CSMD1: variants seen among roughly 807,000 people sequenced by gnomAD.
CSMD1 encodes CUB and sushi domain-containing protein 1.
A neutral mutation model predicts 417.5 loss-of-function variants in CSMD1; 213 were observed. The ratio of observed to expected loss-of-function variants is 0.51; its 90% CI spans 0.46 to 0.57. The LOEUF is 0.57. Among genes scored for constraint, CSMD1 ranks in the 20% least tolerant of loss-of-function variants. The pLI is 0.00. For synonymous variants in CSMD1, 2,862 were observed against 1,736.8 expected (o/e 1.65, Z -16.11); for missense variants, 6,923 against 4,529.7 (o/e 1.53, Z -15.17).
intron 5 of CSMD1, among the ~76,000 whole-genome samples, chr8:3,784,644 T>A (rs1799350204): frequency 6.6e-6 from 1 of 152,134 alleles, no homozygotes; most frequent in East Asian, 1.9e-4. Context: ...TAAATAGAAA[T>A]CTGTTTGGTT....
At chr8:3,999,604 C>T (rs1032180027) in intron 4 of CSMD1, among the ~76,000 whole-genome samples, 2 of 152,144 alleles carry the variant, frequency 1.3e-5, no homozygotes, top group Admixed American at 6.5e-5. Flanking sequence ...GTTGACAGCA[C>T]ACGGTTTTTG....
intron 4 of CSMD1, among the ~76,000 whole-genome samples, chr8:4,008,286 A>C (rs1465564998): frequency 2.0e-5 from 3 of 152,164 alleles, no homozygotes; most frequent in Non-Finnish European, 4.4e-5. Flanking sequence ...GTAATTATTA[A>C]AACAAATATA....
At chr8:3,623,480 C>A (rs1337547170) in intron 7 of CSMD1, among the ~76,000 whole-genome samples, 1 of 152,104 alleles carries the variant, frequency 6.6e-6, no homozygotes, top group Non-Finnish European at 1.5e-5. Flanking sequence ...GAGATAAGAT[C>A]TATATGAGTG....
At chr8:4,025,584 GA>G (rs1400361249) in intron 4 of CSMD1, among the ~76,000 whole-genome samples, 1 of 152,064 alleles carries the variant, frequency 6.6e-6, no homozygotes, top group African/African-American at 2.4e-5. Context: ...TGTAAGAAGT[GA>G]AACAGTAAAT....
At chr8:3,495,691 C>G (rs751152079) in intron 10 of CSMD1, among the ~76,000 whole-genome samples, 1 of 152,036 alleles carries the variant, frequency 6.6e-6, no homozygotes, top group Non-Finnish European at 1.5e-5. Context: ...GTATTTTAAC[C>G]ACATATACCA....
rs1377665114 is a variant in CSMD1 at position 4,764,889 on chromosome 8, A to AAAAAAAAC, written c.86-127332_86-127331insGTTTTTTT. 2.1e-3 allele frequency among the ~76,000 whole-genome samples: 84 copies of AAAAAAAAC among 39,990 alleles called. 1 individual carries two copies. The highest frequency in any genetic ancestry group is 7.6e-3 in the African/African-American group (81 of 10,706). 26.2% of individuals were successfully genotyped at this position (39,990 alleles called of 152,430 possible). A position where few individuals can be genotyped will look rare whatever the true frequency, so the allele number is the denominator to read the frequency against. ...CTCCATCTCAAAAAAAAAAAAAAAAAAAAAACAACAACAACAAAAAAAAAC... is the reference window on the plus strand; with the variant it reads ...CTCCATCTCAAAAAAAAAAAAAAAAAAAAAAAACAAAAACAACAACAACAAAAAAAAAC... On this transcript the variant is annotated intron_variant, in intron 1 of 69. Coordinates refer to ENST00000635120, the MANE Select transcript of CSMD1 (RefSeq NM_033225.6).
chr8:3,037,842 C>G (rs1585202503), intron 50 of CSMD1, among the ~76,000 whole-genome samples: 2 of 152,138 alleles, frequency 1.3e-5, no homozygotes, highest in Non-Finnish European at 2.9e-5. Flanking sequence ...ACAAAAAGGT[C>G]TCAAGGCATT....
intron 59 of CSMD1, among the ~76,000 whole-genome samples, 187 bp from the exon 60 acceptor site, chr8:2,963,582 T>C (rs1803689447): frequency 1.3e-5 from 2 of 152,226 alleles, no homozygotes; most frequent in African/African-American, 4.8e-5. Context: ...TTAGAATATT[T>C]CTTCATTAAT....
intron 7 of CSMD1, among the ~76,000 whole-genome samples, chr8:3,662,894 G>T (rs1032245695): frequency 2.6e-5 from 4 of 152,026 alleles, no homozygotes; most frequent in East Asian, 3.9e-4. Flanking sequence ...TGCATGAGAG[G>T]CTTAAAACCT....
intron 5 of CSMD1, among the ~76,000 whole-genome samples, chr8:3,894,056 A>T (rs1807178285): frequency 1.3e-5 from 2 of 152,058 alleles, no homozygotes; most frequent in South Asian, 2.1e-4. Context: ...CATTGCTGCC[A>T]CATCCTCACA....
intron 11 of CSMD1, among the ~76,000 whole-genome samples, chr8:3,470,011 A>C (rs1001510146): frequency 1.3e-5 from 2 of 152,142 alleles, no homozygotes; most frequent in Non-Finnish European, 2.9e-5. Flanking sequence ...ACAAGCCAAA[A>C]AGCGCACAGA....
intron 7 of CSMD1, among the ~76,000 whole-genome samples, chr8:3,685,735 T>C (rs1412925295): frequency 1.3e-5 from 2 of 152,076 alleles, no homozygotes; most frequent in East Asian, 1.9e-4. Flanking sequence ...TTCTTTCTTT[T>C]TTTTTATAAC....
chr8:4,369,840 C>A (rs375711949), intron 3 of CSMD1, among the ~76,000 whole-genome samples: 1 of 152,098 alleles, frequency 6.6e-6, no homozygotes, highest in Non-Finnish European at 1.5e-5. Context: ...ACTTGTAAGA[C>A]GAGTATCTGG....
At chr8:4,946,568 T>C (rs759831566) in intron 1 of CSMD1, among the ~76,000 whole-genome samples, 2 of 152,178 alleles carry the variant, frequency 1.3e-5, no homozygotes, top group Non-Finnish European at 2.9e-5. Flanking sequence ...TCTGACTCTG[T>C]ATAAGTGAAT....
intron 2 of CSMD1, among the ~76,000 whole-genome samples, chr8:4,460,144 G>C (rs922459664): frequency 1.3e-5 from 2 of 152,066 alleles, no homozygotes; most frequent in South Asian, 4.1e-4. Flanking sequence ...TTTAAAATGA[G>C]TGAAATTATA....
At chr8:4,794,683 G>C (rs981762464) in intron 1 of CSMD1, among the ~76,000 whole-genome samples, 1 of 152,122 alleles carries the variant, frequency 6.6e-6, no homozygotes, top group Non-Finnish European at 1.5e-5. Flanking sequence ...ACTGCTATTG[G>C]CCCATCTCTC....
chr8:4,597,542 G>A (rs1800353097), intron 2 of CSMD1, among the ~76,000 whole-genome samples: 1 of 151,558 alleles, frequency 6.6e-6, no homozygotes, highest in Non-Finnish European at 1.5e-5. Flanking sequence ...TTGCCCATTT[G>A]AAATAAAACT....
At chr8:4,838,356 G>T (rs1291598494) in intron 1 of CSMD1, among the ~76,000 whole-genome samples, 2 of 152,146 alleles carry the variant, frequency 1.3e-5, no homozygotes, top group Non-Finnish European at 2.9e-5. Flanking sequence ...CAAAGACTAT[G>T]CAATCAATTA....
At chr8:4,286,427 G>A (rs1045938115) in intron 3 of CSMD1, among the ~76,000 whole-genome samples, 1 of 152,110 alleles carries the variant, frequency 6.6e-6, no homozygotes, top group Non-Finnish European at 1.5e-5. Context: ...GAAAAATCAT[G>A]GAGAGTATGT....
Sources: allele counts gnomAD v4.1 joint callset (sites outside exome capture counted in the v4.1 genomes callset), GRCh38; gene constraint gnomAD v4.1.1; transcripts MANE v1.5; gene names NCBI Gene and HGNC (gene_info 2026-07-23, HGNC 2026-07-21).